LRP1B: variants seen among roughly 807,000 people sequenced by gnomAD.
The protein encoded by LRP1B is LDL receptor related protein 1B, also known as low-density lipoprotein receptor-related protein 1B.
Under a neutral mutation model 556.6 loss-of-function variants are expected in LRP1B, and 217 were observed. The observed-to-expected ratio is 0.39, with a 90% CI of 0.35 to 0.44. The LOEUF (loss-of-function observed/expected upper bound fraction) is 0.44, where lower values mean the gene tolerates loss of function less well. LRP1B is among the 20% of genes least tolerant of loss of function. The pLI is 1.00. For missense variants in LRP1B, 5,053 were observed against 5,620.8 expected (o/e 0.90, Z 3.23); for synonymous variants, 2,047 against 1,865.8 (o/e 1.10, Z -2.50).
chr2:141,252,131 T>C (rs1288903379), intron 4 of LRP1B, among the ~76,000 whole-genome samples: 1 of 151,978 alleles, frequency 6.6e-6, no homozygotes, highest in Non-Finnish European at 1.5e-5. Context: ...CACCCTTTGT[T>C]GTAGCTGGCT....
chr2:142,116,920 G>T (rs982556269), intron 1 of LRP1B, among the ~76,000 whole-genome samples: 11 of 152,096 alleles, frequency 7.2e-5, no homozygotes, highest in African/African-American at 2.4e-4. Flanking sequence ...GATCTCATTT[G>T]TATCTCAGTA....
At chr2:140,591,390 T>C (rs1290461292) in intron 43 of LRP1B, among the ~76,000 whole-genome samples, 1 of 152,234 alleles carries the variant, frequency 6.6e-6, no homozygotes, top group Non-Finnish European at 1.5e-5. Context: ...GCTTCTTGTC[T>C]ATGATTTATC....
intron 7 of LRP1B, among the ~76,000 whole-genome samples, chr2:141,123,198 A>G (rs561843458): frequency 1.3e-5 from 2 of 151,294 alleles, no homozygotes; most frequent in African/African-American, 2.4e-5. Context: ...ATATGTAACA[A>G]ATCTGCACAT....
At chr2:140,610,945 G>C (rs994746449) in intron 41 of LRP1B, among the ~76,000 whole-genome samples, 1 of 152,204 alleles carries the variant, frequency 6.6e-6, no homozygotes, top group Admixed American at 6.5e-5. Flanking sequence ...AGACATTTGT[G>C]ATTATTATGT....
Position 140,295,193 on chromosome 2 carries a change from A to G in LRP1B, c.12967+2615T>C, listed in dbSNP as rs569956479. 2.0e-5 allele frequency among the ~76,000 whole-genome samples: 3 copies of G among 152,180 alleles called. No individual in the cohort carries two copies. The South Asian group carries it at 6.2e-4, about 32-fold the overall frequency. ...GCGCCTGGCTAATTAGTGTTATACA[A>G]TAATATAGGGATGTATGGATGTAAC... On this transcript the variant is annotated intron_variant, in intron 84 of 90. Coordinates refer to ENST00000389484, the MANE Select transcript of LRP1B (RefSeq NM_018557.3).
At chr2:141,626,287 T>A (rs1431207510) in intron 2 of LRP1B, among the ~76,000 whole-genome samples, 2 of 152,156 alleles carry the variant, frequency 1.3e-5, no homozygotes, top group Non-Finnish European at 2.9e-5. Flanking sequence ...GACCCAGACC[T>A]AACAGCCATC....
chr2:142,042,597 T>C (rs1704101083), intron 1 of LRP1B, among the ~76,000 whole-genome samples: 1 of 151,516 alleles, frequency 6.6e-6, no homozygotes, highest in Non-Finnish European at 1.5e-5. Context: ...AAAGGGACAA[T>C]GTTTCTTCAG....
intron 3 of LRP1B, among the ~76,000 whole-genome samples, chr2:141,325,388 A>C (rs887188454): frequency 6.6e-6 from 1 of 152,080 alleles, no homozygotes; most frequent in African/African-American, 2.4e-5. Flanking sequence ...TTTTTAAATA[A>C]TTTTTGCTAG....
intron 3 of LRP1B, among the ~76,000 whole-genome samples, chr2:141,469,173 G>A (rs1023344601): frequency 1.3e-5 from 2 of 152,098 alleles, no homozygotes; most frequent in Admixed American, 6.5e-5. Context: ...ATTCAAATAT[G>A]CAAATGTATG....
chr2:141,231,801 A>C (rs1683483056), intron 5 of LRP1B, among the ~76,000 whole-genome samples: 1 of 152,192 alleles, frequency 6.6e-6, no homozygotes, highest in Non-Finnish European at 1.5e-5. Context: ...GTCTGCCTTT[A>C]ACAAGACATT....
intron 41 of LRP1B, among the ~76,000 whole-genome samples, chr2:140,699,912 C>T (rs1686570057): frequency 7.4e-6 from 1 of 134,446 alleles, no homozygotes; most frequent in Admixed American, 7.6e-5. Context: ...ACAATTTGCC[C>T]ACTGGAAAAA....
intron 2 of LRP1B, among the ~76,000 whole-genome samples, chr2:141,631,361 T>G (rs1360057409): frequency 3.9e-5 from 6 of 152,010 alleles, no homozygotes. Context: ...CCAAACCATA[T>G]CATACCTATC....
chr2:142,000,834 A>G (rs1055951285), intron 1 of LRP1B, among the ~76,000 whole-genome samples: 3 of 152,150 alleles, frequency 2.0e-5, no homozygotes, highest in African/African-American at 7.2e-5. Context: ...AAATATTGAG[A>G]GAGAAAATGA....
At chr2:141,698,075 G>T (rs1268890943) in intron 2 of LRP1B, among the ~76,000 whole-genome samples, 1 of 151,876 alleles carries the variant, frequency 6.6e-6, no homozygotes, top group African/African-American at 2.4e-5. Flanking sequence ...CTTTTTCAGA[G>T]AAAAGCTTAA....
At chr2:140,549,057 C>CAT (rs1278396938) in intron 43 of LRP1B, among the ~76,000 whole-genome samples, 1 of 152,128 alleles carries the variant, frequency 6.6e-6, no homozygotes, top group African/African-American at 2.4e-5. Context: ...ATTACCCTCC[C>CAT]ATATGAGCAA....
rs575066222 is a variant in LRP1B, at chr2:141,587,837, T to C, written c.206-107304A>G. The stretch of plus-strand genomic sequence containing the variant: ...TGAAGAAAGAAGAAATAAAAAACAA[T>C]ACAAGTAATGCACTAACATTACTAT... On this transcript the variant is annotated intron_variant, in intron 2 of 90. Transcript: ENST00000389484. 9.9e-4 allele frequency among the ~76,000 whole-genome samples: 151 copies of C among 152,152 alleles called. 4 individuals are homozygous for C. Among genetic ancestry groups the C allele is most frequent in the Middle Eastern group, 6.8e-3 (2 of 294 alleles).
rs576759040 is a variant in LRP1B at position 140,883,883 on chromosome 2, A to T, written c.4103T>A (p.Leu1368Gln). 2 of 1,613,726 alleles carry T rather than the reference A, an allele frequency of 1.2e-6. No individual in the cohort carries two copies. Among genetic ancestry groups the T allele is most frequent in the South Asian group, 2.2e-5 (2 of 91,066 alleles). ...GGCTCCTGCTATTAGTGTAGTTCTT[A>T]GGGAGCCATCTAGTTTGGCCACTTC... is the stretch of plus-strand genomic sequence containing the variant. ...QIEVAKLDGS[L>Q]RTTLIAGAME... Residue 1368 changes from leucine to glutamine, a missense_variant, in exon 25 of 91, where the codon CTA becomes CAA. Transcript: ENST00000389484.
At chr2:141,517,259 T>TACACACACACACACACATATAC (rs71281835) in intron 2 of LRP1B, among the ~76,000 whole-genome samples, 1 of 141,390 alleles carries the variant, frequency 7.1e-6, no homozygotes, top group African/African-American at 2.6e-5. Context: ...AGGACAAGAA[T>TACACACACACACACACATATAC]ACGCACACAC....
chr2:141,722,075 C>A (rs1294248892), intron 2 of LRP1B, among the ~76,000 whole-genome samples: 1 of 152,116 alleles, frequency 6.6e-6, no homozygotes, highest in Non-Finnish European at 1.5e-5. Flanking sequence ...GAACATCATG[C>A]TTTCTTTAAA....
Sources: gnomAD v4.1 joint callset for allele counts (sites outside exome capture counted in the v4.1 genomes callset) on GRCh38, gnomAD v4.1.1 for gene constraint, MANE v1.5 for transcripts, NCBI Gene and HGNC (gene_info 2026-07-23, HGNC 2026-07-21) for gene names.